ZBTB25: variants seen among roughly 807,000 people sequenced by gnomAD.
ZBTB25 encodes the protein zinc finger and BTB domain containing 25, also known as zinc finger and BTB domain-containing protein 25.
A neutral mutation model predicts 34.2 loss-of-function variants in ZBTB25; 20 were observed. That is an observed-to-expected ratio of 0.58 (90% CI 0.41 to 0.85). ZBTB25 has a LOEUF of 0.85. Ranked by LOEUF, ZBTB25 falls within the 40% of genes least tolerant of loss-of-function variation. The pLI is 0.00. For synonymous variants in ZBTB25, 175 were observed against 186.4 expected, an observed-to-expected ratio of 0.94 and a Z score of 0.50; for missense variants, 437 against 521.8, an observed-to-expected ratio of 0.84 and a Z score of 1.58.
chr14:64,457,275 C>A (rs1050631696), intron 2 of ZBTB25, among the ~76,000 whole-genome samples: 1 of 152,154 alleles, frequency 6.6e-6, no homozygotes, highest in Non-Finnish European at 1.5e-5. Flanking sequence ...CCTGTACCTC[C>A]TTTTGGTCTT....
At chr14:64,466,654 A>C (rs1221086350) in intron 2 of ZBTB25, among the ~76,000 whole-genome samples, 3 of 152,216 alleles carry the variant, frequency 2.0e-5, no homozygotes, top group Non-Finnish European at 4.4e-5. Flanking sequence ...TGAAACACCC[A>C]ACCTAAGATA....
intron 1 of ZBTB25, among the ~76,000 whole-genome samples, chr14:64,496,101 G>A (rs1039267523): frequency 6.6e-6 from 1 of 152,088 alleles, no homozygotes; most frequent in Non-Finnish European, 1.5e-5. Flanking sequence ...TAAAAGAATG[G>A]CTACTCCATA....
At position 64,488,000 on chromosome 14, in the gene ZBTB25, CAACA is replaced by C. The variant is rs1286060764; in HGVS notation, c.227_230del (p.Leu76CysfsTer38). ...GCCCTTTCCCCGTGTACATAATGTG[CAACA>C]AATAGCTGAATATGTCAGGTTGGAT... On this transcript the variant is annotated frameshift_variant, in exon 3 of 3. Transcript: ENST00000608382. LOFTEE classifies it high-confidence loss of function. 1 of 1,614,034 alleles carries C rather than the reference CAACA, an allele frequency of 6.2e-7. No homozygotes were observed. The highest frequency in any genetic ancestry group is 1.1e-5 in the South Asian group (1 of 91,076).
In ZBTB25 at chr14:64,459,616, G is replaced by A. The variant is rs562551878; in HGVS notation, c.174-9978C>T. 50 of 669,780 alleles carry A rather than the reference G, an allele frequency of 7.5e-5. No individual in the cohort carries two copies. The South Asian group carries it at 7.5e-4, about 10-fold the overall frequency. 41.5% of individuals were successfully genotyped at this position (669,780 alleles called of 1,614,324 possible). On this transcript the variant is annotated intron_variant, in intron 2 of 2. Transcript: ENST00000555220. ...CATTTTCAAGTCCATTTATGGACAC[G>A]CCCTAGAAGAGCTGGTGGCAGGAAA...
chr14:64,469,273 C>G (rs753619180), intron 2 of ZBTB25: 1 of 1,613,440 alleles, frequency 6.2e-7, no homozygotes, highest in Non-Finnish European at 8.5e-7. Flanking sequence ...ATGGAAAAGA[C>G]TATGAAAGTA....
intron 1 of ZBTB25, among the ~76,000 whole-genome samples, chr14:64,493,197 G>C (rs551409478): frequency 1.3e-5 from 2 of 152,290 alleles, no homozygotes; most frequent in Non-Finnish European, 2.9e-5. Flanking sequence ...TAAGATGTTT[G>C]AGTAAGAACA....
At position 64,480,314 on chromosome 14, in the gene ZBTB25, C is replaced by T. The variant is rs143513084; in HGVS notation, c.*6609G>A. ...CTCCAGCCTGGGCAACAGAGCAAGA[C>T]TCCATCTCAAAAAAAAAAAAAAAAA... is the stretch of plus-strand genomic sequence containing the variant. On this transcript the variant is annotated 3_prime_UTR_variant, in exon 3 of 3. Coordinates refer to ENST00000608382, the MANE Select transcript of ZBTB25 (RefSeq NM_006977.5). 2.6e-4 allele frequency: 84 copies of T among 322,884 alleles called. No individual in the cohort carries two copies. Among genetic ancestry groups the T allele is most frequent in the African/African-American group, 2.4e-3 (77 of 32,128 alleles). The allele number at this position is 322,884 out of a possible 1,614,324, so 20.0% of individuals were successfully genotyped here. A position where few individuals can be genotyped will look rare whatever the true frequency, so the allele number is the denominator to read the frequency against.
At chr14:64,504,626 C>G, upstream of ZBTB25, 1 of 305,420 alleles carries the variant, frequency 3.3e-6, no homozygotes, top group Non-Finnish European at 6.0e-6. Flanking sequence ...TAGCAGCCAG[C>G]GGCAGAGTGG....
In ZBTB25 at chr14:64,489,064, T is replaced by C. The variant is rs528763603; in HGVS notation, c.174-1007A>G. On this transcript the variant is annotated intron_variant, in intron 2 of 2. Transcript: ENST00000608382. ...GAGTTCAAGAGGAGCCTAACCAACA[T>C]GGTGAAACCCTGTCTCTACTAAAAT... Among the ~76,000 whole-genome samples the C allele has an allele frequency of 1.1e-4, 17 of 152,210 alleles. No individual in the cohort carries two copies. The South Asian group carries it at 1.9e-3, about 17-fold the overall frequency.
At chr14:64,466,924 G>A (rs1381761887) in intron 2 of ZBTB25, among the ~76,000 whole-genome samples, 2 of 151,940 alleles carry the variant, frequency 1.3e-5, no homozygotes, top group Non-Finnish European at 2.9e-5. Context: ...TATTATCTAA[G>A]TTTGCCAATT....
chr14:64,492,072 C>G (rs752841961), intron 1 of ZBTB25, among the ~76,000 whole-genome samples: 1 of 130,576 alleles, frequency 7.7e-6, no homozygotes, highest in Non-Finnish European at 1.5e-5. Context: ...AAGCCATGAT[C>G]ATGCCACTGC....
At chr14:64,494,249 G>A (rs866978538) in intron 1 of ZBTB25, among the ~76,000 whole-genome samples, 1 of 152,178 alleles carries the variant, frequency 6.6e-6, no homozygotes, top group African/African-American at 2.4e-5. Context: ...CAAACATGTC[G>A]AGTGTACTGA....
chr14:64,490,949 G>A (rs911440254), intron 1 of ZBTB25, among the ~76,000 whole-genome samples: 4 of 152,180 alleles, frequency 2.6e-5, no homozygotes, highest in African/African-American at 7.2e-5. Context: ...ATGTTGTAAT[G>A]GAAACTGCTA....
At chr14:64,501,073 A>C (rs914805880) in intron 1 of ZBTB25, among the ~76,000 whole-genome samples, 2 of 152,062 alleles carry the variant, frequency 1.3e-5, no homozygotes, top group East Asian at 1.9e-4. Context: ...AACAAAAAAA[A>C]CCCCAGAAGT....
At chr14:64,460,031 G>A in intron 2 of ZBTB25, 4 of 1,012,662 alleles carry the variant, frequency 3.9e-6, no homozygotes, top group South Asian at 3.2e-5. Context: ...ATGAATTACA[G>A]CCTTAACAGA....
intron 2 of ZBTB25, among the ~76,000 whole-genome samples, chr14:64,455,546 G>A (rs935877852): frequency 3.9e-5 from 6 of 152,184 alleles, no homozygotes; most frequent in African/African-American, 1.2e-4. Flanking sequence ...GGTTAACTTG[G>A]ATCCTGAATC....
chr14:64,489,682 C>A (rs1310070091), intron 2 of ZBTB25, among the ~76,000 whole-genome samples: 1 of 151,384 alleles, frequency 6.6e-6, no homozygotes, highest in Admixed American at 6.6e-5. Flanking sequence ...ACTACAGGCG[C>A]CCACCACCAT....
rs1002537957 is a variant in ZBTB25, at chr14:64,453,701, A to G, written c.174-4063T>C. ...TAGAATGTGGCTATGTCCTGGTTAA[A>G]TGTCCTCACATGTGTCCAGTCATGG... On this transcript the variant is annotated intron_variant, in intron 2 of 2. Coordinates refer to the ZBTB25 transcript ENST00000555220. 5.5e-6 allele frequency: 6 copies of G among 1,086,884 alleles called. No homozygotes were observed. In the African/African-American group the frequency reaches 7.8e-5, roughly 14 times the overall value. The allele number at this position is 1,086,884 out of a possible 1,614,324, so 67.3% of individuals were successfully genotyped here.
chr14:64,477,513 G>T (rs990848813), downstream of ZBTB25, among the ~76,000 whole-genome samples: 4 of 152,172 alleles, frequency 2.6e-5, no homozygotes, highest in African/African-American at 4.8e-5. Context: ...GCAATGTTGG[G>T]AAATGAGAAG....
Sources: gnomAD v4.1 joint callset for allele counts (sites outside exome capture counted in the v4.1 genomes callset) on GRCh38, gnomAD v4.1.1 for gene constraint, MANE v1.5 for transcripts, NCBI Gene and HGNC (gene_info 2026-07-23, HGNC 2026-07-21) for gene names.